Variants in DENND3 observed in about 807,000 individuals in gnomAD.
DENND3 encodes the protein DENN domain-containing protein 3.
In DENND3, 88 loss-of-function variants were observed where a neutral mutation model predicts 135.1. That is an observed-to-expected ratio of 0.65 (90% CI 0.55 to 0.78). The LOEUF is 0.78. DENND3 is among the 30% of genes least tolerant of loss of function. The pLI is 0.00. For synonymous variants in DENND3, 693 were observed against 712.3 expected, an observed-to-expected ratio of 0.97 and a Z score of 0.43; for missense variants, 1,392 against 1,688.4, an observed-to-expected ratio of 0.82 and a Z score of 3.08.
chr8:141,173,884 A>G (rs1821981655), intron 13 of DENND3: 1 of 152,356 alleles, frequency 6.6e-6, no homozygotes, highest in Non-Finnish European at 1.5e-5. Flanking sequence ...GAGCCACCTC[A>G]TAAGGTGGCT....
chr8:141,178,060 G>A lies in DENND3; in HGVS notation c.2707-7G>A, dbSNP rs74695616. The A allele has an allele frequency of 3.4e-3, 5,436 of 1,600,226 alleles. 178 individuals carry two copies. The African/African-American group carries it at 0.064, about 19-fold the overall frequency. On this transcript the variant is annotated splice_region_variant and splice_polypyrimidine_tract_variant and intron_variant, in intron 15 of 22. Transcript: ENST00000519811. ...GCTGTTTTGAAACGCACGTGTTTCTGTTGTAGGACCCTCACTACGTCCAGC... is the reference window on the plus strand; with the variant it reads ...GCTGTTTTGAAACGCACGTGTTTCTATTGTAGGACCCTCACTACGTCCAGC...
chr8:141,163,412 C>T lies in DENND3; in HGVS notation c.1432C>T (p.His478Tyr), dbSNP rs547500764. Reference protein sequence around the residue: ...EFLKTRAPGDHQFYKQVLDTY... With the variant: ...EFLKTRAPGDYQFYKQVLDTY... ...TCTCAAAACCAGGGCTCCAGGGGAC[C>T]ATCAGTTTTATAAGCAGGTGAGAGC... Residue 478 changes from histidine (H) to tyrosine (Y), a missense_variant, in exon 10 of 23, where the codon CAT (histidine) becomes TAT (tyrosine). Transcript: ENST00000519811. 6.2e-7 allele frequency: 1 copy of T among 1,611,892 alleles called. No homozygotes were observed. Among genetic ancestry groups the T allele is most frequent in the African/African-American group, 1.3e-5 (1 of 74,994 alleles).
chr8:141,170,029 C>G (rs1209847838), intron 13 of DENND3, among the ~76,000 whole-genome samples: 1 of 152,262 alleles, frequency 6.6e-6, no homozygotes, highest in Admixed American at 6.5e-5. Flanking sequence ...CGCCTCCATG[C>G]TCCCAGGCAG....
Position 141,157,759 on chromosome 8 carries a change from C to T in DENND3, c.1196+1789C>T, listed in dbSNP as rs1169150692. ...TGAAAAATGTTTAGGAAAACTACCT[C>T]TTTTTTTTTTTTTTTTTGGAGACAG... On this transcript the variant is annotated intron_variant, in intron 8 of 22. Coordinates refer to ENST00000519811, the MANE Select transcript of DENND3 (RefSeq NM_001352890.3). 6.3e-5 allele frequency: 60 copies of T among 947,120 alleles called. No homozygotes were observed. In the African/African-American group the frequency reaches 9.9e-4, roughly 16 times the overall value. 58.7% of individuals were successfully genotyped at this position (947,120 alleles called of 1,614,324 possible).
At chr8:141,142,010 C>T (rs1817523023) in intron 4 of DENND3, 1 of 236,700 alleles carries the variant, frequency 4.2e-6, no homozygotes, top group African/African-American at 2.4e-5. Context: ...CACCACCACA[C>T]TCCAGCCTAG....
At position 141,167,251 on chromosome 8, in the gene DENND3, C is replaced by T. The variant is rs754407537; in HGVS notation, c.1754-753C>T. ...GACCCTGGGCAGGCAGCTTCACCTC[C>T]CTGGTTCTGCAGTTCCTCTTCTGAA... On this transcript the variant is annotated intron_variant, in intron 12 of 22. Transcript: ENST00000519811. The surrounding 1 kb of genome is among the most constrained non-coding windows in gnomAD (Gnocchi z 4.1). 1.3e-5 allele frequency among the ~76,000 whole-genome samples: 2 copies of T among 152,200 alleles called. No homozygotes were observed. The highest frequency in any genetic ancestry group is 2.9e-5 in the Non-Finnish European group (2 of 68,030).
intron 5 of DENND3, among the ~76,000 whole-genome samples, chr8:141,147,882 C>A (rs1363687003): frequency 6.6e-6 from 1 of 152,202 alleles, no homozygotes; most frequent in Non-Finnish European, 1.5e-5. Context: ...TCAGTGCCTG[C>A]TGATCTGCGT....
chr8:141,178,257 A>T (rs1822650244), intron 16 of DENND3, 61 bp downstream of exon 16: 1 of 1,562,662 alleles, frequency 6.4e-7, no homozygotes. Context: ...AAGTGATTTT[A>T]TCTGGTCGAT....
At position 141,130,690 on chromosome 8, in the gene DENND3, TA is replaced by T. The variant is rs879809563; in HGVS notation, c.102+1882del. 6.2e-3 allele frequency among the ~76,000 whole-genome samples: 484 copies of T among 77,576 alleles called. 2 individuals carry two copies. The highest frequency in any genetic ancestry group is 0.011 in the African/African-American group (231 of 21,424). The allele number at this position is 77,576 out of a possible 152,430, so 50.9% of individuals were successfully genotyped here. A position where few individuals can be genotyped will look rare whatever the true frequency, so the allele number is the denominator to read the frequency against. On this transcript the variant is annotated intron_variant, in intron 1 of 22. Transcript: ENST00000519811. This position sits in a 1 kb window ranked among gnomAD's most constrained non-coding sequence, Gnocchi z 4.2. ...TTTGAATGTCCAAGGCTTTTAAATA[TA>T]TTTTTTTTTTTTTGAGACAGAGTTT...
rs922487122 is a variant in DENND3, at chr8:141,166,962, G to A, written c.1753+573G>A. Reference sequence around the variant, plus strand: ...TCCCTAGTGAATGGGAGAAACTGTCGGGAGGCCGGGGCCTTGACCCCCAGG... The same window carrying A: ...TCCCTAGTGAATGGGAGAAACTGTCAGGAGGCCGGGGCCTTGACCCCCAGG... On this transcript the variant is annotated intron_variant, in intron 12 of 22. Coordinates refer to ENST00000519811, the MANE Select transcript of DENND3 (RefSeq NM_001352890.3). This position sits in a 1 kb window ranked among gnomAD's most constrained non-coding sequence, Gnocchi z 4.3. 3.3e-5 allele frequency among the ~76,000 whole-genome samples: 5 copies of A among 152,146 alleles called. No individual in the cohort carries two copies. Among genetic ancestry groups the A allele is most frequent in the Non-Finnish European group, 7.4e-5 (5 of 68,012 alleles).
At chr8:141,143,432 G>C (rs1180645081) in intron 4 of DENND3, among the ~76,000 whole-genome samples, 2 of 151,874 alleles carry the variant, frequency 1.3e-5, no homozygotes, top group Non-Finnish European at 2.9e-5. Flanking sequence ...TGAGAGACAA[G>C]GTCTCACTGC....
Position 141,175,485 on chromosome 8 carries a change from C to T in DENND3, c.2535+26C>T. The T allele has an allele frequency of 1.2e-6, 2 of 1,613,868 alleles. No individual in the cohort carries two copies. The highest frequency in any genetic ancestry group is 1.7e-6 in the Non-Finnish European group (2 of 1,180,014). On this transcript the variant is annotated intron_variant, in intron 14 of 22. Coordinates refer to ENST00000519811, the MANE Select transcript of DENND3 (RefSeq NM_001352890.3). The surrounding 1 kb of genome is among the most constrained non-coding windows in gnomAD (Gnocchi z 5.4). ...GTAAGGACAGCACAGGCAGACGGCGCCAGACCCCACCTGTGTTTAGGAGAC... is the reference window on the plus strand; with the variant it reads ...GTAAGGACAGCACAGGCAGACGGCGTCAGACCCCACCTGTGTTTAGGAGAC...
chr8:141,183,440 A>G (rs28613645), intron 17 of DENND3, among the ~76,000 whole-genome samples: 1 of 124,086 alleles, frequency 8.1e-6, no homozygotes, highest in African/African-American at 3.0e-5. Context: ...TTTTTTTTGT[A>G]GAGATGGAGT....
rs73362488 is a variant in DENND3, at chr8:141,180,232, A to G, written c.2837-515A>G. Among the ~76,000 whole-genome samples, 836 of 152,278 alleles carry G rather than the reference A, an allele frequency of 5.5e-3. 6 individuals carry two copies. The highest frequency in any genetic ancestry group is 0.019 in the African/African-American group (808 of 41,540). On this transcript the variant is annotated intron_variant, in intron 16 of 22. Transcript: ENST00000519811. ...GGCATCTCATGATGCTCCACATCCC[A>G]TGGCACACAGGATGCTGGGCATTCG...
At position 141,137,447 on chromosome 8, in the gene DENND3, G is replaced by A. The variant is rs79344159; in HGVS notation, c.386-575G>A. Among the ~76,000 whole-genome samples, 392 of 152,270 alleles carry A rather than the reference G, an allele frequency of 2.6e-3. No homozygotes were observed. The highest frequency in any genetic ancestry group is 4.4e-3 in the Non-Finnish European group (300 of 68,032). ...TTGACTTAAAATGAAGTCTTGCAGTGGTTGGCAGATGGATTAAAAATACAT... is the reference window on the plus strand; with the variant it reads ...TTGACTTAAAATGAAGTCTTGCAGTAGTTGGCAGATGGATTAAAAATACAT... On this transcript the variant is annotated intron_variant, in intron 2 of 22. Transcript: ENST00000519811. This position sits in a 1 kb window ranked among gnomAD's most constrained non-coding sequence, Gnocchi z 4.1.
At chr8:141,129,202 G>A (rs1447903145) in intron 1 of DENND3, among the ~76,000 whole-genome samples, 1 of 152,230 alleles carries the variant, frequency 6.6e-6, no homozygotes, top group African/African-American at 2.4e-5. Context: ...GACAACGGGC[G>A]GAAGCCGCCG....
intron 9 of DENND3, among the ~76,000 whole-genome samples, chr8:141,162,743 A>G (rs1412197910): frequency 6.6e-6 from 1 of 152,176 alleles, no homozygotes; most frequent in African/African-American, 2.4e-5. Flanking sequence ...GTGAAACCCC[A>G]TCTCTACTAA....
At chr8:141,171,741 G>A (rs548204263) in intron 13 of DENND3, among the ~76,000 whole-genome samples, 140 of 151,360 alleles carry the variant, frequency 9.2e-4, no homozygotes, top group African/African-American at 3.2e-3. Context: ...GTGGGTGTGC[G>A]TAGTAGCCAT....
Position 141,182,463 on chromosome 8 carries a change from T to G in DENND3, c.2944+1609T>G, listed in dbSNP as rs1330356110. The G allele has an allele frequency of 2.0e-6, 2 of 985,286 alleles. No homozygotes were observed. Among genetic ancestry groups the G allele is most frequent in the Non-Finnish European group, 2.4e-6 (2 of 829,918 alleles). The allele number at this position is 985,286 out of a possible 1,614,324, so 61.0% of individuals were successfully genotyped here. ...GAGATGACTCCACAGACCAAGATAC[T>G]TTGACCGTGGCATTTGAATACATGG... On this transcript the variant is annotated intron_variant, in intron 17 of 22. Coordinates refer to ENST00000519811, the MANE Select transcript of DENND3 (RefSeq NM_001352890.3). This position sits in a 1 kb window ranked among gnomAD's most constrained non-coding sequence, Gnocchi z 5.9.
Sources: allele counts gnomAD v4.1 joint callset (sites outside exome capture counted in the v4.1 genomes callset), GRCh38; gene constraint gnomAD v4.1.1; non-coding constraint Gnocchi (gnomAD v3.1); transcripts MANE v1.5; gene names NCBI Gene and HGNC (gene_info 2026-07-23, HGNC 2026-07-21).